LINC02747: variants seen among roughly 807,000 people sequenced by gnomAD.
The protein encoded by LINC02747 is CCND1-upstream intergenic DNA repair 2.
At chr11:69,476,257 C>T (rs1043966144) in exon 2 of LINC02747, 1 of 152,324 alleles carries the variant, frequency 6.6e-6, no homozygotes, top group Non-Finnish European at 1.5e-5. Context: ...CGGAGGCAGC[C>T]AAAACGCTTC....
chr11:69,476,198 C>A (rs1477487804), exon 2 of LINC02747: 2 of 152,208 alleles, frequency 1.3e-5, no homozygotes, highest in East Asian at 1.9e-4. Context: ...AATGGTGCAA[C>A]GAGGATGCCA....
chr11:69,480,677 A>G lies in LINC02747; in HGVS notation n.120+749T>C, dbSNP rs76539026. 1.2e-3 allele frequency among the ~76,000 whole-genome samples: 178 copies of G among 152,298 alleles called. No individual in the cohort carries two copies. The East Asian group carries it at 0.033, about 28-fold the overall frequency. On this transcript the variant is annotated intron_variant and non_coding_transcript_variant, in intron 1 of 1. Coordinates refer to ENST00000645449, the Ensembl canonical transcript of LINC02747. ...CCGGACTCAACTCCTCTTCCCTGCT[A>G]TGAATCGTGAAACAAAGTGTTCAGG...
At chr11:69,479,220 C>T (rs987286112) in intron 1 of LINC02747, among the ~76,000 whole-genome samples, 2 of 145,616 alleles carry the variant, frequency 1.4e-5, no homozygotes, top group Non-Finnish European at 3.0e-5. Context: ...GCGCCACTGC[C>T]CTCCAGCCTG....
At chr11:69,476,307 A>G (rs1856993429) in exon 2 of LINC02747, 1 of 151,988 alleles carries the variant, frequency 6.6e-6, no homozygotes, top group African/African-American at 2.4e-5. Context: ...CAGTCCCTGG[A>G]GCCAGCCCCT....
intron 1 of LINC02747, chr11:69,479,936 C>T (rs1857033598): frequency 6.6e-6 from 1 of 152,314 alleles, no homozygotes; most frequent in Non-Finnish European, 1.5e-5. Context: ...GTGTGGCTGT[C>T]TTGCCTGTGA....
intron 1 of LINC02747, among the ~76,000 whole-genome samples, chr11:69,479,254 CAAAAAAAAAAAA>C (rs34812492): frequency 2.1e-5 from 1 of 47,538 alleles, no homozygotes; most frequent in Non-Finnish European, 4.1e-5. Context: ...GACTCTGTCT[CAAAAAAAAAAAA>C]AAAAAAAAAA....
At chr11:69,476,071 C>G (rs1212165456) in exon 2 of LINC02747, 1 of 152,168 alleles carries the variant, frequency 6.6e-6, no homozygotes, top group Non-Finnish European at 1.5e-5. Flanking sequence ...TTCGCCCACC[C>G]CTTGACCTCG....
chr11:69,476,233 C>T (rs1320698866), exon 2 of LINC02747: 1 of 152,244 alleles, frequency 6.6e-6, no homozygotes, highest in Non-Finnish European at 1.5e-5. Context: ...AAACACGTTT[C>T]CACGACTTCA....
intron 1 of LINC02747, among the ~76,000 whole-genome samples, chr11:69,478,163 TGGG>T (rs955638997): frequency 6.6e-6 from 1 of 152,170 alleles, no homozygotes; most frequent in African/African-American, 2.4e-5. Context: ...AGGATATTGC[TGGG>T]GGACCCCTTA....
At chr11:69,476,120 G>A (rs1474284984) in exon 2 of LINC02747, 1 of 152,186 alleles carries the variant, frequency 6.6e-6, no homozygotes, top group Non-Finnish European at 1.5e-5. Context: ...ATCGGGGCCT[G>A]GGAAGGTTGA....
intron 1 of LINC02747, among the ~76,000 whole-genome samples, chr11:69,480,394 C>T (rs766281067): frequency 7.9e-5 from 12 of 152,178 alleles, no homozygotes; most frequent in Non-Finnish European, 1.5e-4. Context: ...CGGCTGCAGA[C>T]GTCACGGGCA....
At chr11:69,480,611 TCTC>T (rs1480343248) in intron 1 of LINC02747, among the ~76,000 whole-genome samples, 1 of 152,164 alleles carries the variant, frequency 6.6e-6, no homozygotes, top group Non-Finnish European at 1.5e-5. Context: ...TCAACCCTCT[TCTC>T]TGTGAAACAG....
exon 2 of LINC02747, chr11:69,476,300 T>C (rs1047384097): frequency 1.3e-5 from 2 of 152,152 alleles, no homozygotes; most frequent in African/African-American, 4.8e-5. Context: ...CTCCTGGCAG[T>C]CCCTGGAGCC....
At chr11:69,478,531 A>C (rs1857016678) in intron 1 of LINC02747, among the ~76,000 whole-genome samples, 1 of 152,164 alleles carries the variant, frequency 6.6e-6, no homozygotes, top group Admixed American at 6.5e-5. Flanking sequence ...ATATTTCACA[A>C]AGGAATATGT....
intron 1 of LINC02747, among the ~76,000 whole-genome samples, chr11:69,479,532 G>A (rs1179150259): frequency 2.0e-5 from 3 of 152,192 alleles, no homozygotes; most frequent in Non-Finnish European, 2.9e-5. Context: ...TGCTGCAGGT[G>A]AGGAGAAGAC....
chr11:69,479,186 C>T (rs1382481762), intron 1 of LINC02747, among the ~76,000 whole-genome samples: 3 of 129,114 alleles, frequency 2.3e-5, no homozygotes, highest in African/African-American at 8.8e-5. Flanking sequence ...ACCCAGGAGG[C>T]GGAGGTTGCA....
At chr11:69,480,156 C>T (rs953389729) in intron 1 of LINC02747, among the ~76,000 whole-genome samples, 6 of 152,294 alleles carry the variant, frequency 3.9e-5, no homozygotes, top group South Asian at 2.1e-4. Context: ...GACAAAGAGG[C>T]GTTCCCTGGC....
exon 2 of LINC02747, chr11:69,476,502 C>T (rs1856996126): frequency 6.6e-6 from 1 of 152,142 alleles, no homozygotes; most frequent in Non-Finnish European, 1.5e-5. Context: ...ATCACAGGCC[C>T]ATCCAAGTGG....
intron 1 of LINC02747, among the ~76,000 whole-genome samples, chr11:69,480,654 G>T (rs892459964): frequency 8.5e-5 from 13 of 152,120 alleles, no homozygotes; most frequent in African/African-American, 3.1e-4. Context: ...ATCATCATCC[G>T]GACTCAACTC....
Sources: allele counts gnomAD v4.1 joint callset (sites outside exome capture counted in the v4.1 genomes callset), GRCh38; gene constraint gnomAD v4.1.1; transcripts MANE v1.5; gene names NCBI Gene and HGNC (gene_info 2026-07-23, HGNC 2026-07-21).